The following CATSPERQ variants were observed in gnomAD, a reference collection of about 807,000 sequenced individuals.
CATSPERQ encodes the protein catsper channel auxiliary subunit theta.
At chr8:144,353,296 G>A in the CATSPERQ span, 8 of 1,477,544 alleles carry the variant, frequency 5.4e-6, no homozygotes, top group African/African-American at 4.2e-5. Flanking sequence ...CCCCAGAGTG[G>A]GGCTGGGAGG....
At chr8:144,354,164 C>A in the CATSPERQ span, 18 of 1,536,082 alleles carry the variant, frequency 1.2e-5, no homozygotes, top group Non-Finnish European at 1.6e-5. This position sits in a 1 kb window ranked among gnomAD's most constrained non-coding sequence, Gnocchi z 4.6. Context: ...GGGCGCCACG[C>A]GGAGAGTCTG....
the CATSPERQ span, chr8:144,353,377 T>C: frequency 6.5e-7 from 1 of 1,535,140 alleles, no homozygotes; most frequent in Non-Finnish European, 8.7e-7. Flanking sequence ...TGAGAGGAGC[T>C]GGGCTTGTGA....
chr8:144,354,248 A>G, the CATSPERQ span: 1 of 1,540,404 alleles, frequency 6.5e-7, no homozygotes, highest in Non-Finnish European at 8.7e-7. This position sits in a 1 kb window ranked among gnomAD's most constrained non-coding sequence, Gnocchi z 4.6. Flanking sequence ...TCTCTCAGGG[A>G]GCTGAAGCTG....
the CATSPERQ span, chr8:144,353,726 G>A: frequency 6.5e-7 from 1 of 1,530,038 alleles, no homozygotes; most frequent in Non-Finnish European, 8.8e-7. Context: ...ACCTTAAACA[G>A]TGATCGGTGT....
the CATSPERQ span, chr8:144,354,677 G>A: frequency 6.5e-7 from 1 of 1,535,500 alleles, no homozygotes; most frequent in Non-Finnish European, 8.7e-7. This position sits in a 1 kb window ranked among gnomAD's most constrained non-coding sequence, Gnocchi z 4.6. Flanking sequence ...CTGGCCAGGT[G>A]GCGCTCCGGG....
the CATSPERQ span, chr8:144,353,269 G>T: frequency 7.0e-7 from 1 of 1,419,762 alleles, no homozygotes; most frequent in Non-Finnish European, 9.3e-7. Flanking sequence ...CAGTGAGTGG[G>T]ACTCACATTT....
At chr8:144,353,496 C>T in the CATSPERQ span, 17 of 1,535,554 alleles carry the variant, frequency 1.1e-5, no homozygotes, top group African/African-American at 1.4e-5. Context: ...GTTGAGTTTC[C>T]GGGCGATGTA....
chr8:144,354,200 G>C, the CATSPERQ span: 2 of 1,545,358 alleles, frequency 1.3e-6, no homozygotes, highest in Non-Finnish European at 1.7e-6. This position sits in a 1 kb window ranked among gnomAD's most constrained non-coding sequence, Gnocchi z 4.6. Context: ...GCCCTCAGGG[G>C]AGGAGGGCGG....
chr8:144,354,687 G>T, the CATSPERQ span: 5 of 1,535,620 alleles, frequency 3.3e-6, no homozygotes, highest in Non-Finnish European at 3.5e-6. The surrounding 1 kb of genome is among the most constrained non-coding windows in gnomAD (Gnocchi z 4.6). Flanking sequence ...GGCGCTCCGG[G>T]CAGGTGAGTC....
the CATSPERQ span, chr8:144,354,540 T>A: frequency 7.0e-7 from 1 of 1,428,096 alleles, no homozygotes. This position sits in a 1 kb window ranked among gnomAD's most constrained non-coding sequence, Gnocchi z 4.6. Context: ...CATTCAGGCC[T>A]CGGGCCCGTC....
the CATSPERQ span, chr8:144,354,338 G>T: frequency 1.3e-6 from 2 of 1,532,860 alleles, no homozygotes; most frequent in South Asian, 1.2e-5. The surrounding 1 kb of genome is among the most constrained non-coding windows in gnomAD (Gnocchi z 4.6). Flanking sequence ...AAGACTGGGG[G>T]TGGCGCGGCG....
the CATSPERQ span, chr8:144,353,691 C>A: frequency 3.3e-6 from 5 of 1,496,416 alleles, no homozygotes; most frequent in South Asian, 4.8e-5. Flanking sequence ...TTACCCTCTG[C>A]GTGCGGAAAC....
chr8:144,353,712 A>C, the CATSPERQ span: 123 of 1,525,032 alleles, frequency 8.1e-5, no homozygotes, highest in East Asian at 1.1e-3. Context: ...GGCCCCACCC[A>C]AAGACCTTAA....
the CATSPERQ span, chr8:144,354,554 C>CACCAG: frequency 1.1e-6 from 1 of 924,982 alleles, no homozygotes; most frequent in Non-Finnish European, 1.6e-6. This position sits in a 1 kb window ranked among gnomAD's most constrained non-coding sequence, Gnocchi z 4.6. Context: ...GCCCGTCTCC[C>CACCAG]TCCTCCCCCG....
the CATSPERQ span, chr8:144,354,212 G>C: frequency 1.3e-6 from 2 of 1,546,818 alleles, no homozygotes; most frequent in Non-Finnish European, 1.7e-6. This position sits in a 1 kb window ranked among gnomAD's most constrained non-coding sequence, Gnocchi z 4.6. Flanking sequence ...GGAGGGCGGT[G>C]GGGGTCGGGC....
the CATSPERQ span, chr8:144,354,321 G>C: frequency 1.3e-6 from 2 of 1,533,436 alleles, no homozygotes; most frequent in South Asian, 1.2e-5. This position sits in a 1 kb window ranked among gnomAD's most constrained non-coding sequence, Gnocchi z 4.6. Flanking sequence ...GGTAGTATTC[G>C]AGCACGAAGA....
the CATSPERQ span, chr8:144,353,548 C>G: frequency 2.0e-6 from 3 of 1,525,072 alleles, no homozygotes; most frequent in South Asian, 3.7e-5. Context: ...AGGTGGCGCT[C>G]AACTGGGGCC....
At chr8:144,353,556 G>A in the CATSPERQ span, 1 of 1,521,988 alleles carries the variant, frequency 6.6e-7, no homozygotes, top group Non-Finnish European at 8.8e-7. Context: ...CTCAACTGGG[G>A]CCGGGACAGG....
chr8:144,354,578 A>AACCCCCCCCCCCCCCCCCCCCCC, the CATSPERQ span: 1 of 221,158 alleles, frequency 4.5e-6, no homozygotes, highest in Admixed American at 1.5e-4. This position sits in a 1 kb window ranked among gnomAD's most constrained non-coding sequence, Gnocchi z 4.6. Flanking sequence ...CGCCCTTCCC[A>AACCCCCCCCCCCCCCCCCCCCCC]GCCCCGCCCC....
Sources: allele counts gnomAD v4.1 joint callset, GRCh38; gene constraint gnomAD v4.1.1; non-coding constraint Gnocchi (gnomAD v3.1); transcripts MANE v1.5; gene names NCBI Gene and HGNC (gene_info 2026-07-23, HGNC 2026-07-21).